The following ZNF841 variants were observed in gnomAD, a reference collection of about 807,000 sequenced individuals.
The protein encoded by ZNF841 is zinc finger protein 841.
A neutral mutation model predicts 13.0 loss-of-function variants in ZNF841; 11 were observed. That is an observed-to-expected ratio of 0.85 (90% confidence interval 0.53 to 1.40). The LOEUF (loss-of-function observed/expected upper bound fraction) is 1.40. Among genes scored for constraint, ZNF841 ranks in the 40% most tolerant of loss-of-function variants. The probability of loss-of-function intolerance (pLI) is 0.00; values close to 1 mark genes in which losing one functional copy is unlikely to be tolerated. For synonymous variants in ZNF841, 369 were observed against 381.6 expected, an observed-to-expected ratio of 0.97 and a Z score of 0.38; for missense variants, 1,068 against 1,139.5, an observed-to-expected ratio of 0.94 and a Z score of 0.90.
chr19:52,079,268 C>T (rs1033929366), intron 4 of ZNF841, among the ~76,000 whole-genome samples: 32 of 151,930 alleles, frequency 2.1e-4, no homozygotes, highest in African/African-American at 7.7e-4. Context: ...GGAGTTTATT[C>T]GTTTATTCCA....
In ZNF841 at chr19:52,065,328, T is replaced by C. The variant is rs762090701; in HGVS notation, c.2554A>G (p.Met852Val). The C allele has an allele frequency of 2.5e-6, 4 of 1,610,582 alleles. No individual in the cohort carries two copies. The highest frequency in any genetic ancestry group is 1.3e-5 in the African/African-American group (1 of 75,020). ...CGCCCAAACGCCTTGCCACATTCCA[T>C]ACATTTGTATGGCTTCTCTCCAGTA... ...NHTGEKPYKC[M>V]ECGKAFGRRS... Residue 852 changes from methionine to valine, a missense_variant, in exon 7 of 7, where the codon ATG becomes GTG. Physicochemically the swap from Met to Val is conservative, Grantham distance 21. Transcript: ENST00000594440.
rs1197928814 is a variant in ZNF841 at position 52,095,660 on chromosome 19, C to G, written c.-355G>C. On this transcript the variant is annotated 5_prime_UTR_variant, in exon 1 of 7. Coordinates refer to ENST00000594440, the MANE Select transcript of ZNF841 (RefSeq NM_001136499.2). ...ATGGAGAACCGAGGACTGCGAAGTGCACGTTTAATCAAGGTAGACGAAGAG... is the reference window on the plus strand; with the variant it reads ...ATGGAGAACCGAGGACTGCGAAGTGGACGTTTAATCAAGGTAGACGAAGAG... 6.6e-6 allele frequency: 1 copy of G among 152,264 alleles called. No individual in the cohort carries two copies. The highest frequency in any genetic ancestry group is 2.4e-5 in the African/African-American group (1 of 41,452). The allele number at this position is 152,264 out of a possible 1,614,324, so 9.4% of individuals were successfully genotyped here.
chr19:52,092,188 C>T (rs1600109113), intron 2 of ZNF841, among the ~76,000 whole-genome samples: 1 of 152,054 alleles, frequency 6.6e-6, no homozygotes, highest in East Asian at 1.9e-4. Context: ...CCAAAGGAAA[C>T]AATGAACTAA....
intron 2 of ZNF841, among the ~76,000 whole-genome samples, chr19:52,090,724 A>G (rs890936099): frequency 5.9e-5 from 9 of 151,272 alleles, no homozygotes; most frequent in South Asian, 2.1e-4. Flanking sequence ...AAAGAAAGAA[A>G]AAAGAAAGGA....
chr19:52,074,809 T>C (rs73066183), intron 6 of ZNF841, among the ~76,000 whole-genome samples: 24,175 of 152,188 alleles, frequency 0.16, 2,266 homozygotes, highest in South Asian at 0.3. Context: ...TGAGCCACCG[T>C]GCCCGGCATG....
At position 52,067,505 on chromosome 19, in the gene ZNF841, G is replaced by A. The variant is rs761218479; in HGVS notation, c.377C>T (p.Thr126Ile). The part of the protein sequence containing the change: ...VMLEGHESYD[T>I]ENFYFREIRK... Reference sequence around the variant, plus strand: ...GATTTCCCTGAAGTAAAAATTTTCAGTGTCATAGCTTTCATGTCCTTCCAA... The same window carrying A: ...GATTTCCCTGAAGTAAAAATTTTCAATGTCATAGCTTTCATGTCCTTCCAA... Residue 126 changes from threonine (T) to isoleucine (I), a missense_variant, in exon 7 of 7, where the codon ACT (threonine) becomes ATT (isoleucine). By Grantham distance (89) the Thr-to-Ile change is moderately conservative. Transcript: ENST00000594440. The A allele has an allele frequency of 4.4e-6, 7 of 1,587,854 alleles. No individual in the cohort carries two copies. The highest frequency in any genetic ancestry group is 6.0e-6 in the Non-Finnish European group (7 of 1,165,052).
chr19:52,059,122 G>A, the ZNF841 span: 1 of 152,852 alleles, frequency 6.5e-6, no homozygotes, highest in South Asian at 2.1e-4. Flanking sequence ...GGGAGGCCGA[G>A]GTGGGCAGAG....
chr19:52,087,687 CA>C (rs1322933655), intron 3 of ZNF841, among the ~76,000 whole-genome samples: 6 of 151,838 alleles, frequency 4.0e-5, no homozygotes, highest in African/African-American at 1.5e-4. Flanking sequence ...AAAAAAACTC[CA>C]AAAAATAAAC....
Position 52,076,044 on chromosome 19 carries a change from C to A in ZNF841, c.271G>T (p.Gly91Cys), listed in dbSNP as rs1034183452. The A allele has an allele frequency of 6.4e-7, 1 of 1,552,212 alleles. No individual in the cohort carries two copies. The highest frequency in any genetic ancestry group is 1.2e-5 in the South Asian group (1 of 84,082). Residue 91 changes from glycine to cysteine, a missense_variant and splice_region_variant, in exon 6 of 7, where the codon GGT becomes TGT. Physicochemically the swap from Gly to Cys is radical, Grantham distance 159. Coordinates refer to ENST00000594440, the MANE Select transcript of ZNF841 (RefSeq NM_001136499.2). ...CGECMKGVIT[G>C]ISPKCVIKEL... is the part of the protein sequence containing the mutation. The stretch of plus-strand genomic sequence containing the variant: ...CCATTGTGCCCATCTGAGCTCTTAC[C>A]GGTGATCACGCCTTTCATGCATTCC...
At position 52,067,406 on chromosome 19, in the gene ZNF841, T is replaced by A. The variant is rs1250060842; in HGVS notation, c.476A>T (p.His159Leu). 2 of 1,546,662 alleles carry A rather than the reference T, an allele frequency of 1.3e-6. No individual in the cohort carries two copies. Among genetic ancestry groups the A allele is most frequent in the Non-Finnish European group, 1.7e-6 (2 of 1,145,238 alleles). Reference sequence around the variant, plus strand: ...TCTTTGACCAGTAAGATTGTTTTTATGGGTCATCGGCCCTTCTTTATAATT... The same window carrying A: ...TCTTTGACCAGTAAGATTGTTTTTAAGGGTCATCGGCCCTTCTTTATAATT... ...EINYKEGPMTHKNNLTGQRVR... is the reference protein window; with the variant it reads ...EINYKEGPMTLKNNLTGQRVR... The change falls in exon 7 of 7, where the codon CAT (histidine) becomes CTT (leucine). Residue 159 changes from histidine (H) to leucine (L), a missense_variant. Coordinates refer to ENST00000594440, the MANE Select transcript of ZNF841 (RefSeq NM_001136499.2).
At chr19:52,070,267 C>T (rs2087701748) in intron 6 of ZNF841, among the ~76,000 whole-genome samples, 1 of 152,150 alleles carries the variant, frequency 6.6e-6, no homozygotes, top group African/African-American at 2.4e-5. Context: ...ACTATGTAAC[C>T]CACATGGACC....
intron 2 of ZNF841, among the ~76,000 whole-genome samples, chr19:52,089,298 G>A (rs1483717658): frequency 6.6e-6 from 1 of 152,012 alleles, no homozygotes; most frequent in Non-Finnish European, 1.5e-5. Flanking sequence ...GATAACAGAA[G>A]CAGCCACTCC....
At chr19:52,079,305 T>C (rs2123305681) in intron 4 of ZNF841, among the ~76,000 whole-genome samples, 1 of 151,954 alleles carries the variant, frequency 6.6e-6, no homozygotes, top group East Asian at 1.9e-4. Flanking sequence ...TGATTCAAGA[T>C]TAGGTGGTTT....
chr19:52,087,626 C>T (rs2088319336), intron 3 of ZNF841, among the ~76,000 whole-genome samples: 1 of 152,026 alleles, frequency 6.6e-6, no homozygotes, highest in South Asian at 2.1e-4. Flanking sequence ...GTCTCTTGTG[C>T]TGAGTGCCAC....
chr19:52,095,008 T>C (rs2088623003), intron 1 of ZNF841, among the ~76,000 whole-genome samples: 1 of 152,162 alleles, frequency 6.6e-6, no homozygotes, highest in South Asian at 2.1e-4. Context: ...AGTTTTTCCT[T>C]TTGCTCCGTC....
Position 52,080,294 on chromosome 19 carries a change from A to G in ZNF841, c.16-3210T>C, listed in dbSNP as rs143470546. ...CCACAGTGAAATGATTTTAACAACA[A>G]TTCATGGACTAATTGCCTCGGGGAT... On this transcript the variant is annotated intron_variant, in intron 4 of 6. Transcript: ENST00000594440. Among the ~76,000 whole-genome samples the G allele has an allele frequency of 9.2e-5, 14 of 152,304 alleles. 1 individual carries two copies. The South Asian group carries it at 2.7e-3, about 29-fold the overall frequency.
intron 6 of ZNF841, among the ~76,000 whole-genome samples, chr19:52,071,686 G>A (rs12611112): frequency 0.15 from 22,736 of 151,640 alleles, 2,195 homozygotes; most frequent in East Asian, 0.38. Context: ...TAATTGCAAC[G>A]GTAACCACAG....
intron 6 of ZNF841, among the ~76,000 whole-genome samples, chr19:52,074,914 G>A (rs759451311): frequency 6.6e-6 from 1 of 152,174 alleles, no homozygotes; most frequent in Non-Finnish European, 1.5e-5. Context: ...AGATACTTTT[G>A]TGACATTTCT....
rs1431949344 is a variant in ZNF841, at chr19:52,065,279, T to C, written c.2603A>G (p.Gln868Arg). Reference sequence around the variant, plus strand: ...AGGTTTTTCACTAGAATGAATTCGTTGGTGTTTAGTGAGGCAAGACCGCCG... The same window carrying C: ...AGGTTTTTCACTAGAATGAATTCGTCGGTGTTTAGTGAGGCAAGACCGCCG... Reference protein sequence around the residue: ...FGRRSCLTKHQRIHSSEKPYK... With the variant: ...FGRRSCLTKHRRIHSSEKPYK... The change falls in exon 7 of 7, where the codon CAA becomes CGA. Residue 868 changes from glutamine (Q) to arginine (R), a missense_variant. Coordinates refer to ENST00000594440, the MANE Select transcript of ZNF841 (RefSeq NM_001136499.2). The C allele has an allele frequency of 6.2e-7, 1 of 1,613,734 alleles. No individual in the cohort carries two copies.
Sources: gnomAD v4.1 joint callset for allele counts (sites outside exome capture counted in the v4.1 genomes callset) on GRCh38, gnomAD v4.1.1 for gene constraint, MANE v1.5 for transcripts, NCBI Gene and HGNC (gene_info 2026-07-23, HGNC 2026-07-21) for gene names.